The following CS variants were observed in gnomAD, a reference collection of about 807,000 sequenced individuals.
CS encodes citrate synthase.
In CS, 13 loss-of-function variants were observed where a neutral mutation model predicts 61.4. The observed-to-expected ratio is 0.21, with a 90% CI of 0.14 to 0.34. CS has a LOEUF of 0.34. CS is among the 10% of genes least tolerant of loss of function. CS has a pLI of 1.00. For synonymous variants in CS, 159 were observed against 215.2 expected, an observed-to-expected ratio of 0.74 and a Z score of 2.29; for missense variants, 278 against 573.4, an observed-to-expected ratio of 0.48 and a Z score of 5.26.
At chr12:56,285,579 C>A (rs901160764) in intron 3 of CS, among the ~76,000 whole-genome samples, 1 of 152,198 alleles carries the variant, frequency 6.6e-6, no homozygotes, top group Non-Finnish European at 1.5e-5. Context: ...TGAGCCATTG[C>A]GCCCTCTGTT....
chr12:56,289,015 C>T (rs1873031687), intron 1 of CS, among the ~76,000 whole-genome samples: 1 of 152,062 alleles, frequency 6.6e-6, no homozygotes, highest in African/African-American at 2.4e-5. Flanking sequence ...AGAGCATAGA[C>T]CAAGCCAGTA....
rs909413145 is a variant in CS, at chr12:56,272,850, C to G, written c.*234G>C. ...ACATGCATTAGTCCTGGTCATCCTCCAGGACCATGCGTATGATGGGCAACT... is the reference window on the plus strand; with the variant it reads ...ACATGCATTAGTCCTGGTCATCCTCGAGGACCATGCGTATGATGGGCAACT... On this transcript the variant is annotated 3_prime_UTR_variant, in exon 11 of 11. Transcript: ENST00000351328. 4.4e-6 allele frequency: 2 copies of G among 458,268 alleles called. No homozygotes were observed. The highest frequency in any genetic ancestry group is 4.0e-5 in the African/African-American group (2 of 50,060). The allele number at this position is 458,268 out of a possible 1,614,324, so 28.4% of individuals were successfully genotyped here. A position where few individuals can be genotyped will look rare whatever the true frequency, so the allele number is the denominator to read the frequency against.
intron 1 of CS, chr12:56,291,272 GC>G (rs1338769006): frequency 9.1e-7 from 1 of 1,100,720 alleles, no homozygotes; most frequent in African/African-American, 1.7e-5. Flanking sequence ...AGGCAGTCAA[GC>G]CTGAGGCAGA....
chr12:56,280,416 C>CAAAAAAAAAAAAAAAAAAA (rs1190260476), intron 6 of CS, among the ~76,000 whole-genome samples: 1 of 89,768 alleles, frequency 1.1e-5, no homozygotes, highest in Non-Finnish European at 2.1e-5. Flanking sequence ...CACCGTCTCC[C>CAAAAAAAAAAAAAAAAAAA]AAAAAAAACA....
At chr12:56,295,094 C>G (rs148037664) in intron 1 of CS, among the ~76,000 whole-genome samples, 1 of 141,682 alleles carries the variant, frequency 7.1e-6, no homozygotes, top group Non-Finnish European at 1.6e-5. Flanking sequence ...ATTTAATGAA[C>G]TTTTTTTTTT....
intron 3 of CS, among the ~76,000 whole-genome samples, chr12:56,285,503 G>A (rs1417631804): frequency 6.6e-6 from 1 of 152,118 alleles, no homozygotes; most frequent in African/African-American, 2.4e-5. Context: ...GATCAAGCTG[G>A]TTGTTAACTC....
chr12:56,273,734 T>C lies in CS; in HGVS notation c.1083A>G (p.Arg361=). Residue 361 remains arginine (R), a synonymous_variant, in exon 10 of 11, where the codon CGA becomes CGG. Coordinates refer to ENST00000351328, the MANE Select transcript of CS (RefSeq NM_004077.3). ...TAGGCAGGTGTTTCAGAGCAAACTCTCGCTGACAGGTATATCGCGGATCAG... is the reference window on the plus strand; with the variant it reads ...TAGGCAGGTGTTTCAGAGCAAACTCCCGCTGACAGGTATATCGCGGATCAG... The part of the protein sequence containing the change: ...RKTDPRYTCQ[R]EFALKHLPND... 6.2e-7 allele frequency: 1 copy of C among 1,614,200 alleles called. No homozygotes were observed. The highest frequency in any genetic ancestry group is 8.5e-7 in the Non-Finnish European group (1 of 1,180,036).
Position 56,275,989 on chromosome 12 carries a change from A to G in CS, c.788+7T>C. 1.2e-6 allele frequency: 2 copies of G among 1,614,000 alleles called. No homozygotes were observed. Among genetic ancestry groups the G allele is most frequent in the Middle Eastern group, 1.7e-4 (1 of 6,004 alleles). ...CCTAGTGGCTGTGGTTGCTGGGTCTAGCTTACCTGTGGATGGTGAGGTACA... is the reference window on the plus strand; with the variant it reads ...CCTAGTGGCTGTGGTTGCTGGGTCTGGCTTACCTGTGGATGGTGAGGTACA... On this transcript the variant is annotated splice_region_variant and intron_variant, in intron 7 of 10. Transcript: ENST00000351328.
chr12:56,286,213 T>C (rs1872935173), intron 2 of CS, 190 bp from the exon 3 acceptor site: 1 of 588,620 alleles, frequency 1.7e-6, no homozygotes, highest in Admixed American at 3.1e-5. Context: ...TAATGTTTAA[T>C]GGGAACAGTT....
At chr12:56,296,133 G>A (rs997388171) in intron 1 of CS, among the ~76,000 whole-genome samples, 27 of 151,910 alleles carry the variant, frequency 1.8e-4, no homozygotes, top group Non-Finnish European at 2.4e-4. Context: ...CCCACTGTGA[G>A]TTTACAGACC....
intron 8 of CS, 42 bp from the exon 9 acceptor site, chr12:56,274,920 T>C: frequency 6.2e-7 from 1 of 1,607,516 alleles, no homozygotes; most frequent in East Asian, 2.2e-5. Context: ...TTAATACATA[T>C]GCCAGAAGAG....
chr12:56,279,775 AC>A (rs1190334706), intron 6 of CS, among the ~76,000 whole-genome samples: 1 of 147,760 alleles, frequency 6.8e-6, no homozygotes, highest in Non-Finnish European at 1.5e-5. Flanking sequence ...CAAAAAAAAA[AC>A]CAAAAAAAAA....
rs548595549 is a variant in CS, at chr12:56,272,870, G to C, written c.*214C>G. 2 of 504,068 alleles carry C rather than the reference G, an allele frequency of 4.0e-6. No homozygotes were observed. Among genetic ancestry groups the C allele is most frequent in the African/African-American group, 3.9e-5 (2 of 51,316 alleles). 31.2% of individuals were successfully genotyped at this position (504,068 alleles called of 1,614,324 possible). A position where few individuals can be genotyped will look rare whatever the true frequency, so the allele number is the denominator to read the frequency against. ...TCCTCCAGGACCATGCGTATGATGGGCAACTCATACCAGGCAGGGGAAGGG... is the reference window on the plus strand; with the variant it reads ...TCCTCCAGGACCATGCGTATGATGGCCAACTCATACCAGGCAGGGGAAGGG... On this transcript the variant is annotated 3_prime_UTR_variant, in exon 11 of 11. Transcript: ENST00000351328.
intron 1 of CS, among the ~76,000 whole-genome samples, chr12:56,293,005 G>T (rs544315942): frequency 6.6e-6 from 1 of 152,238 alleles, no homozygotes; most frequent in African/African-American, 2.4e-5. Flanking sequence ...CAAACAGGAG[G>T]CTGAGGCAGA....
intron 6 of CS, chr12:56,282,219 C>A: frequency 2.1e-6 from 1 of 470,636 alleles, no homozygotes. Context: ...AACAAACAGT[C>A]CTGGTGATAG....
At chr12:56,298,055 A>G (rs541491156) in intron 1 of CS, among the ~76,000 whole-genome samples, 166 of 152,014 alleles carry the variant, frequency 1.1e-3, no homozygotes, top group African/African-American at 3.9e-3. Flanking sequence ...CTGGAGTGCA[A>G]TGGAGCGATC....
intron 6 of CS, among the ~76,000 whole-genome samples, chr12:56,278,370 C>T (rs1306338074): frequency 6.6e-6 from 1 of 152,096 alleles, no homozygotes; most frequent in Admixed American, 6.5e-5. Flanking sequence ...TCAGGTTATC[C>T]ACCTTCCTCG....
intron 6 of CS, among the ~76,000 whole-genome samples, chr12:56,279,402 G>T (rs189245984): frequency 6.6e-6 from 1 of 152,040 alleles, no homozygotes; most frequent in African/African-American, 2.4e-5. Context: ...ACTTTGTGAG[G>T]CCGAGGCAGG....
chr12:56,293,854 G>A (rs1592414066), intron 1 of CS, among the ~76,000 whole-genome samples: 1 of 152,238 alleles, frequency 6.6e-6, no homozygotes. Flanking sequence ...AGCTGATGGA[G>A]CAAACACAAT....
Sources: allele counts gnomAD v4.1 joint callset (sites outside exome capture counted in the v4.1 genomes callset), GRCh38; gene constraint gnomAD v4.1.1; transcripts MANE v1.5; gene names NCBI Gene and HGNC (gene_info 2026-07-23, HGNC 2026-07-21).